The following TET3 variants were observed in gnomAD, a reference collection of about 807,000 sequenced individuals.
The protein encoded by TET3 is tet methylcytosine dioxygenase 3.
In TET3, 19 loss-of-function variants were observed where a neutral mutation model predicts 141.4. The ratio of observed to expected loss-of-function variants is 0.13; its 90% CI spans 0.09 to 0.20. The LOEUF (loss-of-function observed/expected upper bound fraction) is 0.20. Among genes scored for constraint, TET3 ranks in the 10% least tolerant of loss-of-function variants. The pLI is 1.00. For synonymous variants in TET3, 1,043 were observed against 980.9 expected (o/e 1.06, Z -1.18); for missense variants, 1,874 against 2,356.9 (o/e 0.80, Z 4.24).
chr2:74,090,162 T>C, intron 8 of TET3, 115 bp downstream of exon 8: 1 of 1,472,244 alleles, frequency 6.8e-7, no homozygotes, highest in Non-Finnish European at 9.1e-7. Context: ...GAAGTGGAAC[T>C]TGTTTTCGTT....
At chr2:74,006,123 C>T (rs920565782) in intron 3 of TET3, among the ~76,000 whole-genome samples, 2 of 152,192 alleles carry the variant, frequency 1.3e-5, no homozygotes, top group African/African-American at 2.4e-5. Flanking sequence ...CTGTGATCCT[C>T]GACTTTCTAT....
rs369970162 is a variant in TET3 at position 74,046,818 on chromosome 2, C to T, written c.901C>T (p.Arg301Trp). Reference protein sequence around the residue: ...KSVVMEGGEERPRLPGPLPPG... With the variant: ...KSVVMEGGEEWPRLPGPLPPG... ...TGTGGTCATGGAAGGAGGGGAGGAGCGGCCCAGGCTCCCAGGGCCTCTGCC... is the reference window on the plus strand; with the variant it reads ...TGTGGTCATGGAAGGAGGGGAGGAGTGGCCCAGGCTCCCAGGGCCTCTGCC... The change falls in exon 4 of 12, where the codon CGG (arginine) becomes TGG (tryptophan). Residue 301 changes from arginine to tryptophan, a missense_variant. Physicochemically the swap from Arg to Trp is moderately radical, Grantham distance 101. Coordinates refer to ENST00000409262, the MANE Select transcript of TET3 (RefSeq NM_001287491.2). This position sits in a 1 kb window ranked among gnomAD's most constrained non-coding sequence, Gnocchi z 4.3. 1.9e-5 allele frequency: 31 copies of T among 1,613,272 alleles called. No individual in the cohort carries two copies. The East Asian group carries it at 5.1e-4, about 27-fold the overall frequency.
At chr2:74,015,328 T>G (rs1452233469) in intron 3 of TET3, among the ~76,000 whole-genome samples, 4 of 152,228 alleles carry the variant, frequency 2.6e-5, no homozygotes, top group Admixed American at 1.3e-4. Context: ...GAGAATAATG[T>G]ACGCCCATTT....
intron 3 of TET3, among the ~76,000 whole-genome samples, chr2:74,018,965 G>A (rs978032875): frequency 5.3e-5 from 8 of 152,270 alleles, no homozygotes; most frequent in African/African-American, 1.9e-4. Context: ...AAGTTTTAAG[G>A]CCAGGTGTGG....
At chr2:74,027,354 G>T (rs61004630) in intron 3 of TET3, among the ~76,000 whole-genome samples, 148 of 103,826 alleles carry the variant, frequency 1.4e-3, no homozygotes, top group Non-Finnish European at 1.1e-3. Flanking sequence ...TTTTTTTTTT[G>T]AAATTACAGT....
chr2:74,108,282 G>A (rs1408734780), downstream of TET3: 1 of 153,790 alleles, frequency 6.5e-6, no homozygotes, highest in African/African-American at 2.4e-5. Context: ...ATGTACAAAT[G>A]AAGCCCTCAC....
rs1483322774 is a variant in TET3 at position 74,035,959 on chromosome 2, A to G, written c.361-10319A>G. 8.8e-5 allele frequency among the ~76,000 whole-genome samples: 13 copies of G among 147,630 alleles called. No individual in the cohort carries two copies. The East Asian group carries it at 1.4e-3, about 16-fold the overall frequency. On this transcript the variant is annotated intron_variant, in intron 3 of 11. Coordinates refer to ENST00000409262, the MANE Select transcript of TET3 (RefSeq NM_001287491.2). ...TTGAGCCCGGGAGGCAGAGGTTTCA[A>G]TGAGCCAAGATCCCACCACTGCACT...
Position 74,080,569 on chromosome 2 carries a change from G to T in TET3, c.2657G>T (p.Arg886Leu). The T allele has an allele frequency of 6.2e-7, 1 of 1,612,786 alleles. No homozygotes were observed. Among genetic ancestry groups the T allele is most frequent in the Non-Finnish European group, 8.5e-7 (1 of 1,179,480 alleles). The part of the protein sequence containing the change: ...IYTGKEGKSS[R>L]GCPIAKWVIR... ...ACGGGGAAGGAGGGAAAGAGCTCCC[G>T]CGGTTGCCCCATTGCAAAGTGGGTG... Residue 886 changes from arginine to leucine, a missense_variant, in exon 6 of 12, where the codon CGC becomes CTC. This residue lies in a region of TET3 where 126 missense variants were observed against 327.4 expected (regional missense o/e 0.38). Transcript: ENST00000409262.
chr2:74,028,546 A>G (rs1282251329), intron 3 of TET3, among the ~76,000 whole-genome samples: 3 of 152,194 alleles, frequency 2.0e-5, no homozygotes, highest in African/African-American at 4.8e-5. Context: ...AGTTGTCCCA[A>G]TTAAAAGACT....
the TET3 span, among the ~76,000 whole-genome samples, chr2:74,118,641 G>A: frequency 6.6e-6 from 1 of 152,046 alleles, no homozygotes; most frequent in African/African-American, 2.4e-5. Context: ...AACTGACATT[G>A]TTCAAAAGTC....
At chr2:74,011,470 G>C (rs1685431599) in intron 3 of TET3, among the ~76,000 whole-genome samples, 1 of 152,168 alleles carries the variant, frequency 6.6e-6, no homozygotes, top group Non-Finnish European at 1.5e-5. Flanking sequence ...CTTCAGCTTG[G>C]CCTCCACTGG....
the TET3 span, among the ~76,000 whole-genome samples, chr2:74,131,724 A>G: frequency 1.3e-5 from 2 of 151,996 alleles, no homozygotes; most frequent in Non-Finnish European, 2.9e-5. Flanking sequence ...AGCTCAGAAG[A>G]CCTCTCATGT....
chr2:74,047,129 C>G lies in TET3; in HGVS notation c.1212C>G (p.Pro404=). The G allele has an allele frequency of 1.2e-6, 2 of 1,613,986 alleles. No individual in the cohort carries two copies. The highest frequency in any genetic ancestry group is 1.7e-6 in the Non-Finnish European group (2 of 1,179,878). The change falls in exon 4 of 12, where the codon CCC becomes CCG. Residue 404 remains proline, a synonymous_variant. Transcript: ENST00000409262. ...CTCCCCAGTCTTACCTCCGGGCTCC[C>G]TCATGGCCTGTGGTTCCTCCTGAAG... ...FRSPQSYLRA[P]SWPVVPPEEH...
chr2:74,019,156 C>T (rs1216540688), intron 3 of TET3, among the ~76,000 whole-genome samples: 1 of 152,172 alleles, frequency 6.6e-6, no homozygotes, highest in Non-Finnish European at 1.5e-5. Flanking sequence ...ACTTGGGAGG[C>T]AGATGTGGGA....
intron 6 of TET3, 99 bp downstream of exon 6, chr2:74,080,690 A>T: frequency 4.5e-5 from 13 of 288,090 alleles, no homozygotes; most frequent in Non-Finnish European, 7.3e-5. Flanking sequence ...GTAGCTGAGC[A>T]GGCGAGGGCG....
At chr2:74,013,245 C>T (rs901871819) in intron 3 of TET3, among the ~76,000 whole-genome samples, 7 of 151,906 alleles carry the variant, frequency 4.6e-5, no homozygotes, top group African/African-American at 1.2e-4. Flanking sequence ...CCGCCCACCT[C>T]GGCCTCCCAA....
intron 5 of TET3, among the ~76,000 whole-genome samples, chr2:74,075,472 G>A (rs1689453694): frequency 6.6e-6 from 1 of 151,524 alleles, no homozygotes; most frequent in Admixed American, 6.6e-5. Flanking sequence ...GAGACTACAG[G>A]TACATGCCAC....
At chr2:74,045,244 G>A (rs955542818) in intron 3 of TET3, among the ~76,000 whole-genome samples, 5 of 152,152 alleles carry the variant, frequency 3.3e-5, no homozygotes, top group African/African-American at 1.2e-4. Flanking sequence ...GGTTAAGGTG[G>A]TGTCTGTCTA....
At chr2:74,015,384 A>G (rs1398778892) in intron 3 of TET3, among the ~76,000 whole-genome samples, 6 of 152,194 alleles carry the variant, frequency 3.9e-5, no homozygotes, top group East Asian at 3.8e-4. Context: ...GAGAATCCCT[A>G]TTTCTTCTCC....
Sources: allele counts gnomAD v4.1 joint callset (sites outside exome capture counted in the v4.1 genomes callset), GRCh38; gene constraint gnomAD v4.1.1; regional missense constraint gnomAD v4.1.1; non-coding constraint Gnocchi (gnomAD v3.1); transcripts MANE v1.5; gene names NCBI Gene and HGNC (gene_info 2026-07-23, HGNC 2026-07-21).